MITF: variants seen among roughly 807,000 people sequenced by gnomAD.
MITF encodes microphthalmia-associated transcription factor.
In MITF, 17 loss-of-function variants were observed where a neutral mutation model predicts 60.5. The ratio of observed to expected loss-of-function variants is 0.28; its 90% CI spans 0.19 to 0.42. The LOEUF (loss-of-function observed/expected upper bound fraction) is 0.42, where lower values mean the gene tolerates loss of function less well. MITF is among the 10% of genes least tolerant of loss of function. MITF has a pLI of 1.00. For missense variants in MITF, 622 were observed against 683.5 expected (o/e 0.91, Z 1.00); for synonymous variants, 260 against 248.5 (o/e 1.05, Z -0.43).
At chr3:69,794,393 A>T (rs1273694136) in intron 1 of MITF, among the ~76,000 whole-genome samples, 1 of 152,232 alleles carries the variant, frequency 6.6e-6, no homozygotes, top group South Asian at 2.1e-4. Context: ...ACAGAAAGTC[A>T]GATGGCTTTG....
In MITF at chr3:69,964,507, A is replaced by G. The variant is rs1218216088; in HGVS notation, c.1180-340A>G. On this transcript the variant is annotated intron_variant, in intron 9 of 9. Transcript: ENST00000352241. Reference sequence around the variant, plus strand: ...CCAAGTATCTGATTTTTAAAAATAGACTTTATTTTTCAGGACAGTTTTTGG... The same window carrying G: ...CCAAGTATCTGATTTTTAAAAATAGGCTTTATTTTTCAGGACAGTTTTTGG... Among the ~76,000 whole-genome samples, 3 of 134,138 alleles carry G rather than the reference A, an allele frequency of 2.2e-5. 1 individual carries two copies. Among genetic ancestry groups the G allele is most frequent in the Non-Finnish European group, 4.8e-5 (3 of 62,154 alleles). The allele number at this position is 134,138 out of a possible 152,430, so 88.0% of individuals were successfully genotyped here.
At chr3:69,759,794 T>C (rs2062184405) in intron 1 of MITF, among the ~76,000 whole-genome samples, 1 of 152,180 alleles carries the variant, frequency 6.6e-6, no homozygotes, top group African/African-American at 2.4e-5. Context: ...TCTTTTTTTT[T>C]TGAGACAAAG....
intron 1 of MITF, among the ~76,000 whole-genome samples, chr3:69,766,003 G>C (rs1009435178): frequency 3.9e-5 from 6 of 152,164 alleles, no homozygotes; most frequent in Non-Finnish European, 5.9e-5. Context: ...TTATGAATTT[G>C]TTGAATTGTT....
intron 1 of MITF, among the ~76,000 whole-genome samples, chr3:69,777,201 A>T (rs1242647634): frequency 6.6e-6 from 1 of 152,214 alleles, no homozygotes; most frequent in Admixed American, 6.5e-5. Flanking sequence ...AAAAGTCATC[A>T]TATAAACTGT....
intron 2 of MITF, among the ~76,000 whole-genome samples, chr3:69,898,366 A>G (rs2064924317): frequency 6.6e-6 from 1 of 152,240 alleles, no homozygotes; most frequent in African/African-American, 2.4e-5. Context: ...AAAGGGGATC[A>G]TGGTAAGGAC....
chr3:69,799,051 A>G (rs958991896), intron 1 of MITF, among the ~76,000 whole-genome samples: 1 of 152,162 alleles, frequency 6.6e-6, no homozygotes, highest in Non-Finnish European at 1.5e-5. Flanking sequence ...TTGGATTACC[A>G]TGGTATGTTT....
At chr3:69,901,739 C>T (rs1450100965) in intron 2 of MITF, among the ~76,000 whole-genome samples, 1 of 152,202 alleles carries the variant, frequency 6.6e-6, no homozygotes, top group Admixed American at 6.5e-5. Context: ...TTTAAAATAA[C>T]CCTCCCTGTC....
At chr3:69,811,401 G>C in intron 1 of MITF, among the ~76,000 whole-genome samples, 1 of 152,150 alleles carries the variant, frequency 6.6e-6, no homozygotes, top group East Asian at 1.9e-4. Flanking sequence ...AGGCATGACT[G>C]CCACAGTGCA....
chr3:69,949,090 C>G lies in MITF; in HGVS notation c.802C>G (p.Gln268Glu), dbSNP rs769822377. Reference protein sequence around the residue: ...SGNLIDLYGNQGLPPPGLTIS... With the variant: ...SGNLIDLYGNEGLPPPGLTIS... ...AAACTTGATTGATCTTTATGGAAAC[C>G]AAGGTCTGCCCCCACCAGGCCTCAC... The change falls in exon 6 of 10, where the codon CAA becomes GAA. Residue 268 changes from glutamine to glutamate, a missense_variant. This residue lies in a region of MITF where 215 missense variants were observed against 224.8 expected (regional missense o/e 0.96). Transcript: ENST00000352241. The G allele has an allele frequency of 6.2e-7, 1 of 1,613,516 alleles. No individual in the cohort carries two copies. The highest frequency in any genetic ancestry group is 8.5e-7 in the Non-Finnish European group (1 of 1,179,834).
intron 1 of MITF, among the ~76,000 whole-genome samples, chr3:69,849,407 A>T (rs2063789044): frequency 2.0e-5 from 3 of 152,158 alleles, no homozygotes; most frequent in Admixed American, 6.6e-5. Flanking sequence ...GGTGACCAAG[A>T]TGGTGGTGGC....
chr3:69,924,536 G>T (rs554444923), intron 2 of MITF, among the ~76,000 whole-genome samples: 1 of 152,146 alleles, frequency 6.6e-6, no homozygotes, highest in Non-Finnish European at 1.5e-5. Context: ...AAATTTATAC[G>T]AAAGCAGAGT....
intron 2 of MITF, among the ~76,000 whole-genome samples, chr3:69,928,611 C>CA (rs1424733799): frequency 6.6e-6 from 1 of 152,176 alleles, no homozygotes; most frequent in Non-Finnish European, 1.5e-5. Context: ...GTTGCTGGCC[C>CA]AGTAGGAGTG....
chr3:69,822,261 G>A (rs55946371), intron 1 of MITF, among the ~76,000 whole-genome samples: 23,492 of 152,176 alleles, frequency 0.15, 2,111 homozygotes, highest in Non-Finnish European at 0.21. Flanking sequence ...GAAAGAACAT[G>A]TGGTAGACAT....
chr3:69,750,647 T>G (rs57078287), intron 1 of MITF, among the ~76,000 whole-genome samples: 31,729 of 151,862 alleles, frequency 0.21, 3,662 homozygotes, highest in East Asian at 0.48. Context: ...GAAACAGATT[T>G]CAGGGACACA....
intron 1 of MITF, among the ~76,000 whole-genome samples, chr3:69,840,107 A>G (rs2063608815): frequency 6.6e-6 from 1 of 152,220 alleles, no homozygotes; most frequent in South Asian, 2.1e-4. Flanking sequence ...GATACTATAA[A>G]GAGACATCTC....
At chr3:69,842,145 A>G (rs2063649052) in intron 1 of MITF, among the ~76,000 whole-genome samples, 1 of 152,214 alleles carries the variant, frequency 6.6e-6, no homozygotes. Context: ...ATTTTTTCAA[A>G]TAAGATTTTA....
rs150177205 is a variant in MITF, at chr3:69,938,355, A to G, written c.582+306A>G. On this transcript the variant is annotated intron_variant, in intron 3 of 9. Transcript: ENST00000352241. ...TCTTCTCTTCCATGCCTTTCAGTTTATGAAGCAGTGAGAATGCAGAGAGAG... is the reference window on the plus strand; with the variant it reads ...TCTTCTCTTCCATGCCTTTCAGTTTGTGAAGCAGTGAGAATGCAGAGAGAG... 2.5e-6 allele frequency: 4 copies of G among 1,572,060 alleles called. No individual in the cohort carries two copies. The East Asian group carries it at 9.3e-5, about 36-fold the overall frequency.
chr3:69,826,401 C>T (rs2063355459), intron 1 of MITF, among the ~76,000 whole-genome samples: 1 of 152,146 alleles, frequency 6.6e-6, no homozygotes, highest in Non-Finnish European at 1.5e-5. Context: ...ATAGTTCATT[C>T]ATTTTCATTT....
At chr3:69,753,770 A>G (rs1704025594) in intron 1 of MITF, among the ~76,000 whole-genome samples, 1 of 152,136 alleles carries the variant, frequency 6.6e-6, no homozygotes, top group African/African-American at 2.4e-5. Context: ...CTTTTGGCCA[A>G]TTTCTTCCTT....
Sources: gnomAD v4.1 joint callset for allele counts (sites outside exome capture counted in the v4.1 genomes callset) on GRCh38, gnomAD v4.1.1 for gene constraint, gnomAD v4.1.1 regional missense constraint, MANE v1.5 for transcripts, NCBI Gene and HGNC (gene_info 2026-07-23, HGNC 2026-07-21) for gene names.